Variants in PDXDC1 observed in about 807,000 individuals in gnomAD.
The protein encoded by PDXDC1 is pyridoxal-dependent decarboxylase domain-containing protein 1.
Under a neutral mutation model 100.1 loss-of-function variants are expected in PDXDC1, and 42 were observed. That is an observed-to-expected ratio of 0.42 (90% confidence interval 0.33 to 0.54). PDXDC1 has a LOEUF of 0.54. Ranked by LOEUF, PDXDC1 falls within the 20% of genes least tolerant of loss-of-function variation. The probability of loss-of-function intolerance (pLI) is 0.10; values close to 1 mark genes in which losing one functional copy is unlikely to be tolerated. For synonymous variants in PDXDC1, 260 were observed against 371.7 expected (o/e 0.70, Z 3.46); for missense variants, 636 against 979.2 (o/e 0.65, Z 4.68).
chr16:15,034,196 T>G, intron 19 of PDXDC1, 90 bp from the exon 20 acceptor site: 2 of 1,106,790 alleles, frequency 1.8e-6, no homozygotes, highest in Non-Finnish European at 2.7e-6. Flanking sequence ...GACCTGCTTT[T>G]GAAAAATTCC....
chr16:15,041,797 C>T, downstream of PDXDC1: 1 of 744,796 alleles, frequency 1.3e-6, no homozygotes, highest in South Asian at 1.4e-5. Flanking sequence ...GCCCTACAGC[C>T]CGCGCCCACA....
chr16:15,110,600 G>C lies in PDXDC1; in HGVS notation c.1400-28279G>C, dbSNP rs1204303461. 14 of 1,581,678 alleles carry C rather than the reference G, an allele frequency of 8.9e-6. 1 individual carries two copies. Among genetic ancestry groups the C allele is most frequent in the Middle Eastern group, 2.3e-4 (1 of 4,400 alleles). ...TCTTTTCTTTGTGTGCATACAAATG[G>C]ACTTCAGCCCTTGGTGAGAGTGAGG... On this transcript the variant is annotated intron_variant, in intron 16 of 16. Coordinates refer to the PDXDC1 transcript ENST00000535621.
intron 16 of PDXDC1, among the ~76,000 whole-genome samples, chr16:15,081,992 T>C (rs1400237631): frequency 6.6e-6 from 1 of 152,230 alleles, no homozygotes; most frequent in Non-Finnish European, 1.5e-5. Context: ...AACTCATTTA[T>C]TATCTCTAAA....
At chr16:15,079,908 T>G (rs892723941) in intron 16 of PDXDC1, 36 of 1,359,222 alleles carry the variant, frequency 2.6e-5, no homozygotes, top group Non-Finnish European at 3.3e-5. Flanking sequence ...AGTGGATTCT[T>G]TTCTATCACT....
chr16:15,038,341 G>T (rs1447317953), downstream of PDXDC1: 3 of 682,686 alleles, frequency 4.4e-6, no homozygotes, highest in East Asian at 5.6e-5. Context: ...GAGGTGGCCT[G>T]AATTAGTAAG....
intron 16 of PDXDC1, among the ~76,000 whole-genome samples, chr16:15,063,690 G>GC (rs1336430522): frequency 8.8e-6 from 1 of 113,036 alleles, no homozygotes; most frequent in Non-Finnish European, 1.7e-5. Context: ...GGGAGACAGA[G>GC]CAAGACTCTG....
intron 1 of PDXDC1, among the ~76,000 whole-genome samples, chr16:14,982,030 A>G (rs1292528150): frequency 6.6e-6 from 1 of 152,376 alleles, no homozygotes; most frequent in Non-Finnish European, 1.5e-5. Flanking sequence ...GGGTTTCATC[A>G]TGTTGGCCAG....
At chr16:15,003,041 CT>C (rs2151376642) in intron 4 of PDXDC1, among the ~76,000 whole-genome samples, 1 of 152,378 alleles carries the variant, frequency 6.6e-6, no homozygotes, top group African/African-American at 2.4e-5. Context: ...CAATTGTAAA[CT>C]TTTTCCTTCT....
intron 16 of PDXDC1, chr16:15,133,794 C>T (rs1226786216): frequency 3.8e-6 from 6 of 1,585,234 alleles, no homozygotes; most frequent in Non-Finnish European, 5.1e-6. Flanking sequence ...CCTGTACTCA[C>T]CCGTGCATTC....
chr16:15,047,530 T>C, intron 16 of PDXDC1: 1 of 1,613,772 alleles, frequency 6.2e-7, no homozygotes, highest in Non-Finnish European at 8.5e-7. Context: ...TCACAATGTG[T>C]CAAGCAGGTG....
intron 16 of PDXDC1, chr16:15,063,134 T>G: frequency 1.6e-6 from 2 of 1,254,678 alleles, no homozygotes; most frequent in Non-Finnish European, 2.3e-6. Context: ...ACTTACTATC[T>G]CACTGTGACC....
intron 14 of PDXDC1, among the ~76,000 whole-genome samples, chr16:15,028,586 T>G (rs2042806402): frequency 6.6e-6 from 1 of 152,304 alleles, no homozygotes; most frequent in Non-Finnish European, 1.5e-5. Flanking sequence ...CGGTGCTTGG[T>G]AAACTAGTTA....
rs1051097086 is a variant in PDXDC1, at chr16:15,029,111, C to G, written c.1293+145C>G. ...CCAGTGCTGGGCCTGCTCTGGAGTT[C>G]TGTTCCCCATTGCGTTACCACCTCA... On this transcript the variant is annotated intron_variant, in intron 15 of 22. Coordinates refer to ENST00000396410, the MANE Select transcript of PDXDC1 (RefSeq NM_015027.4). 2.9e-5 allele frequency: 27 copies of G among 945,010 alleles called. No individual in the cohort carries two copies. In the African/African-American group the frequency reaches 4.1e-4, roughly 14 times the overall value. The allele number at this position is 945,010 out of a possible 1,614,324, so 58.5% of individuals were successfully genotyped here. A position where few individuals can be genotyped will look rare whatever the true frequency, so the allele number is the denominator to read the frequency against.
At chr16:15,104,677 T>G in intron 16 of PDXDC1, 1 of 1,597,674 alleles carries the variant, frequency 6.3e-7, no homozygotes, top group South Asian at 1.1e-5. Flanking sequence ...TGGCCCATCC[T>G]GTTTTTTAAA....
chr16:15,031,253 C>T (rs1387114042), intron 16 of PDXDC1, among the ~76,000 whole-genome samples: 4 of 151,686 alleles, frequency 2.6e-5, no homozygotes, highest in African/African-American at 7.3e-5. Flanking sequence ...CTGGCCACAG[C>T]TCTAGATACT....
chr16:15,122,801 T>C (rs1157590544), intron 16 of PDXDC1, among the ~76,000 whole-genome samples: 3 of 69,966 alleles, frequency 4.3e-5, no homozygotes, highest in African/African-American at 1.1e-4. Flanking sequence ...GGACGGGGAC[T>C]GGGCGGGATC....
chr16:15,133,659 G>C (rs1188509582), intron 16 of PDXDC1: 2 of 1,527,962 alleles, frequency 1.3e-6, no homozygotes, highest in African/African-American at 2.7e-5. Context: ...TGCAGCAGCA[G>C]GGCGTACACC....
intron 16 of PDXDC1, among the ~76,000 whole-genome samples, chr16:15,068,888 CTT>C (rs2045097933): frequency 6.6e-6 from 1 of 152,118 alleles, no homozygotes; most frequent in African/African-American, 2.4e-5. Context: ...CCAACTTGTA[CTT>C]AAGTATATTT....
intron 16 of PDXDC1, chr16:15,069,926 T>C: frequency 1.7e-6 from 2 of 1,178,320 alleles, no homozygotes; most frequent in South Asian, 3.0e-5. Flanking sequence ...TATGAGCTGC[T>C]TGAAATTATT....
Sources: gnomAD v4.1 joint callset for allele counts (sites outside exome capture counted in the v4.1 genomes callset) on GRCh38, gnomAD v4.1.1 for gene constraint, MANE v1.5 for transcripts, NCBI Gene and HGNC (gene_info 2026-07-23, HGNC 2026-07-21) for gene names.